TRIM5: variants seen among roughly 807,000 people sequenced by gnomAD.
TRIM5 encodes tripartite motif containing 5.
In TRIM5, 31 loss-of-function variants were observed where a neutral mutation model predicts 35.6. That is an observed-to-expected ratio of 0.87 (90% CI 0.65 to 1.18). The LOEUF (loss-of-function observed/expected upper bound fraction) is 1.18, where lower values mean the gene tolerates loss of function less well. Ranked by LOEUF, TRIM5 falls within the 50% of genes most tolerant of loss-of-function variation. TRIM5 has a pLI of 0.00. For missense variants in TRIM5, 609 were observed against 591.6 expected (o/e 1.03, Z -0.31); for synonymous variants, 243 against 215.6 (o/e 1.13, Z -1.11).
chr11:5,589,248 T>C, the TRIM5 span: 3 of 151,866 alleles, frequency 2.0e-5, no homozygotes, highest in South Asian at 2.1e-4. Flanking sequence ...TATGAAAGAT[T>C]TTAAAATAAA....
At chr11:5,649,653 T>C in the TRIM5 span, among the ~76,000 whole-genome samples, 1 of 152,172 alleles carries the variant, frequency 6.6e-6, no homozygotes, top group African/African-American at 2.4e-5. Flanking sequence ...TGTCTACTGG[T>C]GAAAGCATTC....
the TRIM5 span, among the ~76,000 whole-genome samples, chr11:5,615,805 T>C: frequency 6.6e-6 from 1 of 151,744 alleles, no homozygotes; most frequent in South Asian, 2.1e-4. Flanking sequence ...GTTGGTCATA[T>C]TGGTCTCGAA....
At chr11:5,603,236 A>G in the TRIM5 span, 2 of 1,605,596 alleles carry the variant, frequency 1.2e-6, no homozygotes, top group South Asian at 2.2e-5. Flanking sequence ...TTGTTTGTTC[A>G]TCTACCTAGG....
downstream of TRIM5, among the ~76,000 whole-genome samples, chr11:5,659,245 C>T (rs1402723283): frequency 6.6e-6 from 1 of 152,168 alleles, no homozygotes; most frequent in Non-Finnish European, 1.5e-5. Context: ...GCCCCACAGC[C>T]TGCCCGTCTG....
At chr11:5,606,233 T>C in the TRIM5 span, among the ~76,000 whole-genome samples, 4 of 152,240 alleles carry the variant, frequency 2.6e-5, no homozygotes, top group Non-Finnish European at 5.9e-5. Context: ...TTTAACATAC[T>C]GTAGCAATTG....
intron 4 of TRIM5, among the ~76,000 whole-genome samples, chr11:5,677,168 C>T (rs1236408339): frequency 6.6e-6 from 1 of 151,978 alleles, no homozygotes; most frequent in Non-Finnish European, 1.5e-5. Context: ...GAACAGGCAA[C>T]CTACAAAATG....
the TRIM5 span, among the ~76,000 whole-genome samples, chr11:5,601,496 G>A: frequency 3.3e-5 from 5 of 152,078 alleles, no homozygotes; most frequent in South Asian, 2.1e-4. Flanking sequence ...AGTGGCTCAC[G>A]CTTGTAATCC....
chr11:5,674,100 C>T (rs137959060), intron 4 of TRIM5, among the ~76,000 whole-genome samples: 12 of 151,856 alleles, frequency 7.9e-5, no homozygotes, highest in African/African-American at 1.2e-4. Flanking sequence ...TTTTTAATTT[C>T]ATAAAAGTTA....
chr11:5,679,671 A>G, intron 2 of TRIM5, 90 bp downstream of exon 2: 1 of 1,372,758 alleles, frequency 7.3e-7, no homozygotes, highest in Non-Finnish European at 9.9e-7. Context: ...CAGGTCTATC[A>G]TGACAAGGCA....
At chr11:5,604,723 T>C in the TRIM5 span, 2 of 1,329,110 alleles carry the variant, frequency 1.5e-6, no homozygotes, top group East Asian at 2.4e-5. Context: ...GTCTGTCCTC[T>C]GATGCCATGA....
the TRIM5 span, chr11:5,611,821 T>C: frequency 6.4e-6 from 1 of 155,728 alleles, no homozygotes; most frequent in African/African-American, 2.4e-5. Context: ...CATCTTTGAC[T>C]GATGACAGGT....
chr11:5,600,860 G>T, the TRIM5 span, among the ~76,000 whole-genome samples: 2 of 152,084 alleles, frequency 1.3e-5, no homozygotes, highest in Non-Finnish European at 2.9e-5. Flanking sequence ...CTCTTCTTTG[G>T]TGGCCCAAAC....
chr11:5,642,217 A>G, the TRIM5 span, among the ~76,000 whole-genome samples: 1 of 152,140 alleles, frequency 6.6e-6, no homozygotes, highest in Non-Finnish European at 1.5e-5. Flanking sequence ...CACCCAGAGG[A>G]TAAGAGGGAA....
chr11:5,629,017 C>T, the TRIM5 span, among the ~76,000 whole-genome samples: 1 of 152,162 alleles, frequency 6.6e-6, no homozygotes. Context: ...TGGCTCACAC[C>T]TGTAATCCCA....
intron 4 of TRIM5, among the ~76,000 whole-genome samples, chr11:5,671,728 G>C (rs1017542576): frequency 6.6e-6 from 1 of 151,782 alleles, no homozygotes; most frequent in Non-Finnish European, 1.5e-5. Context: ...TCTTCCAGAA[G>C]GAAAGAAGAG....
the TRIM5 span, chr11:5,632,613 A>C: frequency 7.4e-6 from 12 of 1,613,388 alleles, no homozygotes; most frequent in African/African-American, 1.3e-4. Context: ...GGAAGAAGAG[A>C]GATCTCTGTG....
At chr11:5,676,909 G>C (rs1201863655) in intron 4 of TRIM5, among the ~76,000 whole-genome samples, 1 of 150,112 alleles carries the variant, frequency 6.7e-6, no homozygotes, top group Non-Finnish European at 1.5e-5. Context: ...TATGTAGAAA[G>C]CTGAAACTGG....
At chr11:5,603,565 G>GT in the TRIM5 span, 2 of 1,614,056 alleles carry the variant, frequency 1.2e-6, no homozygotes, top group Non-Finnish European at 1.7e-6. Context: ...CAGAGAGGTA[G>GT]TGTTGGGCCC....
At chr11:5,605,851 T>C in the TRIM5 span, among the ~76,000 whole-genome samples, 1 of 152,208 alleles carries the variant, frequency 6.6e-6, no homozygotes, top group Non-Finnish European at 1.5e-5. Context: ...ATGTTGTTCT[T>C]TCTTTCTCAG....
Sources: allele counts gnomAD v4.1 joint callset (sites outside exome capture counted in the v4.1 genomes callset), GRCh38; gene constraint gnomAD v4.1.1; transcripts MANE v1.5; gene names NCBI Gene and HGNC (gene_info 2026-07-23, HGNC 2026-07-21).